Variants in GRIK3 observed in about 807,000 individuals in gnomAD.
GRIK3 encodes the protein glutamate receptor ionotropic, kainate 3.
Under a neutral mutation model 102.5 loss-of-function variants are expected in GRIK3, and 29 were observed. The observed-to-expected ratio is 0.28, with a 90% CI of 0.21 to 0.39. The LOEUF (loss-of-function observed/expected upper bound fraction) is 0.39. GRIK3 is among the 10% of genes least tolerant of loss of function. The pLI is 1.00. For missense variants in GRIK3, 908 were observed against 1,252.4 expected (o/e 0.73, Z 4.15); for synonymous variants, 511 against 504.9 (o/e 1.01, Z -0.16).
rs1642367719 is a variant in GRIK3 at position 36,796,612 on chromosome 1, A to C, written c.*5239T>G. On this transcript the variant is annotated 3_prime_UTR_variant, in exon 16 of 16. Coordinates refer to ENST00000373091, the MANE Select transcript of GRIK3 (RefSeq NM_000831.4). ...AAGGCAGGAGGACAGGATCAGTAACAGGGGCATGGGAACACTGTATCGGCA... is the reference window on the plus strand; with the variant it reads ...AAGGCAGGAGGACAGGATCAGTAACCGGGGCATGGGAACACTGTATCGGCA... The C allele has an allele frequency of 6.6e-6, 1 of 152,286 alleles. No individual in the cohort carries two copies. Among genetic ancestry groups the C allele is most frequent in the Admixed American group, 6.5e-5 (1 of 15,288 alleles). 9.4% of individuals were successfully genotyped at this position (152,286 alleles called of 1,614,324 possible).
chr1:36,814,520 C>CCCA lies in GRIK3; in HGVS notation c.2091+2539_2091+2540insTGG, dbSNP rs1553173908. Among the ~76,000 whole-genome samples the CCCA allele has an allele frequency of 3.2e-3, 424 of 134,312 alleles. 13 individuals are homozygous for CCCA. The highest frequency in any genetic ancestry group is 0.011 in the African/African-American group (388 of 34,918). The allele number at this position is 134,312 out of a possible 152,430, so 88.1% of individuals were successfully genotyped here. On this transcript the variant is annotated intron_variant, in intron 13 of 15. Transcript: ENST00000373091. The stretch of plus-strand genomic sequence containing the variant: ...ATACACATACATAGACCCCCCCCCC[C>CCCA]CACACACAGAGACACATATGCATGC...
At chr1:36,866,876 T>C (rs1640790424) in intron 5 of GRIK3, among the ~76,000 whole-genome samples, 1 of 152,218 alleles carries the variant, frequency 6.6e-6, no homozygotes, top group South Asian at 2.1e-4. Flanking sequence ...TCCATCCATC[T>C]GTCCATCCAT....
chr1:37,033,299 CGCCTGCCCGGGCCGCACTGGGCG>C (rs1245330447), intron 1 of GRIK3, among the ~76,000 whole-genome samples: 1 of 152,228 alleles, frequency 6.6e-6, no homozygotes, highest in Non-Finnish European at 1.5e-5. Flanking sequence ...GTCCCTGGGC[CGCCTGCCCGGGCCGCACTGGGCG>C]GCCTCCATCG....
chr1:37,010,727 CTTTTT>C (rs60750637), intron 1 of GRIK3, among the ~76,000 whole-genome samples: 21,032 of 101,598 alleles, frequency 0.21, 1,481 homozygotes, highest in Non-Finnish European at 0.23. Context: ...ACCTGTACCA[CTTTTT>C]TTTTTTTTTT....
chr1:36,826,763 G>A (rs1469303232), intron 10 of GRIK3, among the ~76,000 whole-genome samples: 1 of 152,066 alleles, frequency 6.6e-6, no homozygotes, highest in African/African-American at 2.4e-5. Flanking sequence ...GGAAAAGAAG[G>A]GGGTGGGGTA....
At chr1:36,938,347 G>A (rs1641682565) in intron 1 of GRIK3, among the ~76,000 whole-genome samples, 1 of 152,212 alleles carries the variant, frequency 6.6e-6, no homozygotes, top group African/African-American at 2.4e-5. Context: ...GCATGAGGGT[G>A]CTTTCAGCAG....
chr1:36,883,904 A>G lies in GRIK3; in HGVS notation c.293-3013T>C, dbSNP rs182077665. On this transcript the variant is annotated intron_variant, in intron 2 of 15. Coordinates refer to ENST00000373091, the MANE Select transcript of GRIK3 (RefSeq NM_000831.4). The stretch of plus-strand genomic sequence containing the variant: ...CTCCTGGAAATGGGAGATTTTATAT[A>G]AAGAAGTTATTTTTCCTGAAATCTG... 9.8e-5 allele frequency among the ~76,000 whole-genome samples: 15 copies of G among 152,326 alleles called. No homozygotes were observed. The East Asian group carries it at 1.5e-3, about 16-fold the overall frequency.
intron 1 of GRIK3, among the ~76,000 whole-genome samples, chr1:36,968,842 C>T (rs552925318): frequency 6.6e-6 from 1 of 152,362 alleles, no homozygotes; most frequent in South Asian, 2.1e-4. Flanking sequence ...ACACCCCCAC[C>T]TGGGAAGCAC....
At chr1:36,932,120 T>A (rs997165842) in intron 1 of GRIK3, among the ~76,000 whole-genome samples, 1 of 152,184 alleles carries the variant, frequency 6.6e-6, no homozygotes, top group Non-Finnish European at 1.5e-5. Flanking sequence ...TCTGCTGGCC[T>A]CTCCGCTTGT....
intron 1 of GRIK3, among the ~76,000 whole-genome samples, chr1:36,941,120 T>C (rs550305294): frequency 1.3e-5 from 2 of 152,252 alleles, no homozygotes; most frequent in African/African-American, 4.8e-5. Flanking sequence ...ATGACAAGTA[T>C]GGTGCAGGTG....
chr1:37,022,603 G>A (rs1394348451), intron 1 of GRIK3, among the ~76,000 whole-genome samples: 1 of 152,226 alleles, frequency 6.6e-6, no homozygotes, highest in African/African-American at 2.4e-5. Flanking sequence ...CAGAACTGGT[G>A]TGTCAGAAGA....
chr1:37,022,008 G>A (rs1320440278), intron 1 of GRIK3, among the ~76,000 whole-genome samples: 5 of 152,184 alleles, frequency 3.3e-5, no homozygotes, highest in Non-Finnish European at 5.9e-5. Flanking sequence ...CTCCTGCAAG[G>A]ACACAAAAAC....
intron 1 of GRIK3, among the ~76,000 whole-genome samples, chr1:36,949,778 C>A (rs1641824350): frequency 6.6e-6 from 1 of 151,890 alleles, no homozygotes; most frequent in Non-Finnish European, 1.5e-5. Flanking sequence ...GGGGGGTCAC[C>A]ATGTTGGCCA....
chr1:36,807,978 C>T (rs754135135), intron 13 of GRIK3, among the ~76,000 whole-genome samples: 2 of 152,230 alleles, frequency 1.3e-5, no homozygotes, highest in Non-Finnish European at 2.9e-5. Context: ...TACTCTCCAG[C>T]TACTCCAGCT....
intron 1 of GRIK3, among the ~76,000 whole-genome samples, chr1:37,016,498 A>G (rs1163748255): frequency 6.6e-6 from 1 of 152,234 alleles, no homozygotes. Context: ...CAGTGGCTCA[A>G]TGCCTGCAGG....
chr1:36,888,011 C>T (rs1262520778), intron 2 of GRIK3, among the ~76,000 whole-genome samples: 5 of 152,066 alleles, frequency 3.3e-5, no homozygotes, highest in Admixed American at 1.3e-4. Flanking sequence ...AACATATGTA[C>T]ATACTGTGAC....
chr1:36,909,305 T>C (rs1214940941), intron 1 of GRIK3, among the ~76,000 whole-genome samples: 5 of 151,914 alleles, frequency 3.3e-5, no homozygotes, highest in Admixed American at 3.3e-4. Context: ...TTTTTTTTTT[T>C]TTTTCCTTCC....
Position 36,887,863 on chromosome 1 carries a change from G to A in GRIK3, c.292+3057C>T, listed in dbSNP as rs10450282. Among the ~76,000 whole-genome samples the A allele has an allele frequency of 2.3e-3, 340 of 150,918 alleles. 2 individuals are homozygous for A. Among genetic ancestry groups the A allele is most frequent in the African/African-American group, 7.9e-3 (323 of 41,012 alleles). On this transcript the variant is annotated intron_variant, in intron 2 of 15. Transcript: ENST00000373091. ...TATATATATAATGAGACTCACTACAGAAACCACCAGAATGGCCAAAATTTA... is the reference window on the plus strand; with the variant it reads ...TATATATATAATGAGACTCACTACAAAAACCACCAGAATGGCCAAAATTTA...
In GRIK3 at chr1:36,894,191, C is replaced by G. The variant is rs976592195; in HGVS notation, c.116-3095G>C. Among the ~76,000 whole-genome samples the G allele has an allele frequency of 3.9e-4, 60 of 152,184 alleles. 2 individuals are homozygous for G. The highest frequency in any genetic ancestry group is 3.9e-3 in the Admixed American group (60 of 15,286). ...TCAATTATAGTTTTCATTCCCACTC[C>G]CAGGCAGCCACTAATTTACTTTTTG... On this transcript the variant is annotated intron_variant, in intron 1 of 15. Transcript: ENST00000373091.
Sources: allele counts gnomAD v4.1 joint callset (sites outside exome capture counted in the v4.1 genomes callset), GRCh38; gene constraint gnomAD v4.1.1; transcripts MANE v1.5; gene names NCBI Gene and HGNC (gene_info 2026-07-23, HGNC 2026-07-21).